POFUT3: variants seen among roughly 807,000 people sequenced by gnomAD.
POFUT3 encodes protein O-fucosyltransferase 3.
chr8:33,379,974 TAC>T, the POFUT3 span, among the ~76,000 whole-genome samples: 1 of 103,734 alleles, frequency 9.6e-6, no homozygotes, highest in Non-Finnish European at 1.8e-5. Flanking sequence ...ACACTATATA[TAC>T]ACTCTATATA....
the POFUT3 span, chr8:33,389,320 A>T: frequency 6.2e-7 from 1 of 1,614,210 alleles, no homozygotes; most frequent in East Asian, 2.2e-5. Context: ...TGTAGTCATC[A>T]CAAACTGCAT....
At chr8:33,377,618 A>G in the POFUT3 span, 21 of 152,164 alleles carry the variant, frequency 1.4e-4, no homozygotes, top group Admixed American at 1.2e-3. Context: ...TATGAAATGA[A>G]CTCTTTCCAC....
chr8:33,442,094 C>T, the POFUT3 span, among the ~76,000 whole-genome samples: 16 of 151,946 alleles, frequency 1.1e-4, no homozygotes, highest in African/African-American at 1.4e-4. Flanking sequence ...GGATTACAGG[C>T]GCATGCCACC....
At chr8:33,317,782 A>G in the POFUT3 span, among the ~76,000 whole-genome samples, 1 of 151,884 alleles carries the variant, frequency 6.6e-6, no homozygotes, top group Non-Finnish European at 1.5e-5. Flanking sequence ...GGTCTGTAAC[A>G]CACCCACTCA....
chr8:33,453,608 A>G, the POFUT3 span: 9 of 1,010,056 alleles, frequency 8.9e-6, no homozygotes, highest in African/African-American at 9.7e-5. Context: ...CTCGTTTTCA[A>G]TTGCTGCTGT....
the POFUT3 span, chr8:33,339,005 A>T: frequency 2.0e-5 from 3 of 152,220 alleles, no homozygotes; most frequent in Non-Finnish European, 4.4e-5. Context: ...ACCCAGTTGC[A>T]ATAAAAAATT....
the POFUT3 span, among the ~76,000 whole-genome samples, chr8:33,358,210 GCC>G: frequency 1.3e-5 from 2 of 152,306 alleles, no homozygotes; most frequent in African/African-American, 2.4e-5. Flanking sequence ...CCAGGATGGT[GCC>G]ATTGCACTCC....
At chr8:33,446,652 A>C in the POFUT3 span, among the ~76,000 whole-genome samples, 2 of 152,086 alleles carry the variant, frequency 1.3e-5, no homozygotes, top group African/African-American at 4.8e-5. Flanking sequence ...TCATGATTCT[A>C]ATGCCATTCT....
At chr8:33,379,866 ATATATATATAC>A in the POFUT3 span, among the ~76,000 whole-genome samples, 1 of 129,278 alleles carries the variant, frequency 7.7e-6, no homozygotes, top group Non-Finnish European at 1.6e-5. Context: ...TATATATATA[ATATATATATAC>A]TATATATATA....
At chr8:33,314,713 G>A in the POFUT3 span, among the ~76,000 whole-genome samples, 8 of 152,200 alleles carry the variant, frequency 5.3e-5, no homozygotes, top group South Asian at 4.1e-4. Flanking sequence ...TCTGTTTTTC[G>A]TAGGAAAAAC....
At chr8:33,383,960 C>A in the POFUT3 span, among the ~76,000 whole-genome samples, 7 of 149,502 alleles carry the variant, frequency 4.7e-5, no homozygotes, top group Non-Finnish European at 8.9e-5. Flanking sequence ...AAAAAAAAAA[C>A]AGATAAATCA....
At chr8:33,460,442 C>T in the POFUT3 span, among the ~76,000 whole-genome samples, 1 of 152,196 alleles carries the variant, frequency 6.6e-6, no homozygotes, top group Non-Finnish European at 1.5e-5. Flanking sequence ...ACTAAGCACA[C>T]GTTTCAGTTC....
At chr8:33,370,986 A>G in the POFUT3 span, 3 of 152,224 alleles carry the variant, frequency 2.0e-5, no homozygotes, top group Non-Finnish European at 4.4e-5. Context: ...CTTCCCTTGA[A>G]TAACATACAG....
At chr8:33,447,389 C>A in the POFUT3 span, among the ~76,000 whole-genome samples, 2 of 151,878 alleles carry the variant, frequency 1.3e-5, no homozygotes, top group African/African-American at 4.8e-5. Flanking sequence ...GCGGAGCTTG[C>A]AGTGAGCCGA....
the POFUT3 span, chr8:33,452,431 A>C: frequency 6.6e-6 from 1 of 152,082 alleles, no homozygotes; most frequent in African/African-American, 2.4e-5. Context: ...TATGATGAAC[A>C]ATGCTATAAT....
chr8:33,457,425 G>T, the POFUT3 span, among the ~76,000 whole-genome samples: 1 of 152,160 alleles, frequency 6.6e-6, no homozygotes, highest in Non-Finnish European at 1.5e-5. Context: ...GAACCCAGGA[G>T]ATGGAGGTTG....
At chr8:33,390,207 C>T in the POFUT3 span, among the ~76,000 whole-genome samples, 612 of 147,030 alleles carry the variant, frequency 4.2e-3, 4 homozygotes, top group African/African-American at 0.015. Context: ...GTGTGTCATA[C>T]ACACACACAC....
chr8:33,369,076 T>C, the POFUT3 span, among the ~76,000 whole-genome samples: 2 of 152,242 alleles, frequency 1.3e-5, no homozygotes, highest in African/African-American at 4.8e-5. Flanking sequence ...TCCCTTTTTC[T>C]GGACAAATCT....
the POFUT3 span, chr8:33,372,860 C>A: frequency 6.6e-7 from 1 of 1,506,182 alleles, no homozygotes; most frequent in South Asian, 1.2e-5. Context: ...AAGCACAATT[C>A]CCTTAAAGCA....
Sources: allele counts gnomAD v4.1 joint callset (sites outside exome capture counted in the v4.1 genomes callset), GRCh38; gene constraint gnomAD v4.1.1; transcripts MANE v1.5; gene names NCBI Gene and HGNC (gene_info 2026-07-23, HGNC 2026-07-21).